CTNNA3: variants seen among roughly 807,000 people sequenced by gnomAD.
The protein encoded by CTNNA3 is catenin alpha-3.
CTNNA3 carries 76 observed loss-of-function variants against 95.7 expected under a neutral mutation model. The observed-to-expected ratio is 0.79, with a 90% CI of 0.66 to 0.96. CTNNA3 has a LOEUF of 0.96. CTNNA3 is among the 40% of genes least tolerant of loss of function. The pLI, the probability that CTNNA3 is intolerant of heterozygous loss-of-function variation, is 0.00. For synonymous variants in CTNNA3, 431 were observed against 374.4 expected (o/e 1.15, Z -1.74); for missense variants, 1,191 against 1,089.8 (o/e 1.09, Z -1.31).
intron 11 of CTNNA3, among the ~76,000 whole-genome samples, chr10:66,427,768 G>A (rs1054387222): frequency 6.6e-6 from 1 of 151,916 alleles, no homozygotes; most frequent in Non-Finnish European, 1.5e-5. Flanking sequence ...AATATGGAAA[G>A]GAACAACCGG....
Position 67,259,799 on chromosome 10 carries a change from T to C in CTNNA3, c.580-39929A>G, listed in dbSNP as rs187521472. Among the ~76,000 whole-genome samples, 33 of 152,296 alleles carry C rather than the reference T, an allele frequency of 2.2e-4. 1 individual carries two copies. The highest frequency in any genetic ancestry group is 9.8e-4 in the Admixed American group (15 of 15,288). ...TTGCTCTCTGATTCTGCCTCTTTTC[T>C]ACTATTAGTCAAATGAAGTAGCTTC... On this transcript the variant is annotated intron_variant, in intron 5 of 17. Coordinates refer to ENST00000433211, the MANE Select transcript of CTNNA3 (RefSeq NM_013266.4).
At chr10:66,580,329 G>A (rs994487679) in intron 10 of CTNNA3, among the ~76,000 whole-genome samples, 8 of 151,502 alleles carry the variant, frequency 5.3e-5, no homozygotes, top group African/African-American at 1.7e-4. Flanking sequence ...TGGGGTACAT[G>A]TGCTATCTTG....
At chr10:67,233,116 A>T (rs1170146666) in intron 5 of CTNNA3, among the ~76,000 whole-genome samples, 1 of 152,246 alleles carries the variant, frequency 6.6e-6, no homozygotes, top group Non-Finnish European at 1.5e-5. Flanking sequence ...ACAGAAAGTC[A>T]ACAAAGATAT....
intron 7 of CTNNA3, among the ~76,000 whole-genome samples, chr10:66,803,462 C>G (rs1282120966): frequency 6.6e-6 from 1 of 152,018 alleles, no homozygotes; most frequent in Non-Finnish European, 1.5e-5. Context: ...CTGTTCAATT[C>G]TGCACTGCAT....
At chr10:66,101,329 A>G (rs1171587010) in intron 14 of CTNNA3, among the ~76,000 whole-genome samples, 1 of 152,182 alleles carries the variant, frequency 6.6e-6, no homozygotes, top group Non-Finnish European at 1.5e-5. Context: ...GCATTTCCCA[A>G]TATATTACCA....
At chr10:66,055,844 C>T (rs1006789423) in intron 15 of CTNNA3, among the ~76,000 whole-genome samples, 7 of 147,024 alleles carry the variant, frequency 4.8e-5, no homozygotes, top group Non-Finnish European at 8.9e-5. Flanking sequence ...ATCGCTTGAA[C>T]CTGGGAGACA....
intron 7 of CTNNA3, among the ~76,000 whole-genome samples, chr10:66,888,570 GA>G (rs200675845): frequency 0.033 from 5,033 of 151,384 alleles, 115 homozygotes; most frequent in Middle Eastern, 0.051. Flanking sequence ...AAGCAATGGG[GA>G]AAAAATAACA....
intron 7 of CTNNA3, among the ~76,000 whole-genome samples, chr10:66,872,393 G>A (rs533825390): frequency 3.5e-4 from 53 of 152,204 alleles, no homozygotes; most frequent in African/African-American, 1.2e-3. Context: ...TTTTCGCTGG[G>A]TTCAGTGGCT....
chr10:67,687,608 C>A (rs2133580953), intron 1 of CTNNA3, among the ~76,000 whole-genome samples: 1 of 152,226 alleles, frequency 6.6e-6, no homozygotes, highest in South Asian at 2.1e-4. Context: ...TTAATAATGC[C>A]TCCAGATTTT....
At chr10:66,829,933 T>C (rs901260696) in intron 7 of CTNNA3, among the ~76,000 whole-genome samples, 1 of 151,824 alleles carries the variant, frequency 6.6e-6, no homozygotes, top group African/African-American at 2.4e-5. Flanking sequence ...TGGTGCGATC[T>C]CGGCTCCCTG....
chr10:67,111,449 T>A (rs1045405055), intron 7 of CTNNA3, among the ~76,000 whole-genome samples: 1 of 152,072 alleles, frequency 6.6e-6, no homozygotes, highest in Non-Finnish European at 1.5e-5. Context: ...GCATTTTTCA[T>A]AAAAACAGCT....
chr10:67,037,423 G>T (rs573667128), intron 7 of CTNNA3, among the ~76,000 whole-genome samples: 1 of 151,298 alleles, frequency 6.6e-6, no homozygotes, highest in Admixed American at 6.6e-5. Context: ...TCAAAGAAAT[G>T]TCTCTCAAGT....
chr10:67,326,974 T>C (rs1841563460), intron 5 of CTNNA3, among the ~76,000 whole-genome samples: 1 of 152,188 alleles, frequency 6.6e-6, no homozygotes, highest in African/African-American at 2.4e-5. Context: ...AGACAGCCAG[T>C]TTTCAAGCTC....
At chr10:67,366,645 G>GA (rs1007776419) in intron 5 of CTNNA3, among the ~76,000 whole-genome samples, 38 of 138,454 alleles carry the variant, frequency 2.7e-4, no homozygotes, top group East Asian at 1.0e-3. Flanking sequence ...TCGTCCAAAG[G>GA]AAAAAAAAAA....
intron 7 of CTNNA3, among the ~76,000 whole-genome samples, chr10:67,132,262 C>T (rs78128660): frequency 0.026 from 3,931 of 151,944 alleles, 165 homozygotes; most frequent in East Asian, 0.14. Flanking sequence ...AGGATTGATG[C>T]GACAAAATGG....
chr10:66,421,691 T>C (rs144642156), intron 11 of CTNNA3, among the ~76,000 whole-genome samples: 1,676 of 150,966 alleles, frequency 0.011, 37 homozygotes, highest in African/African-American at 0.038. Context: ...CAAAAATTAG[T>C]TGGGCTTGGT....
chr10:67,079,796 T>C (rs1856951109), intron 7 of CTNNA3, among the ~76,000 whole-genome samples: 1 of 150,812 alleles, frequency 6.6e-6, no homozygotes, highest in Admixed American at 6.6e-5. Flanking sequence ...TGCAGTGAGC[T>C]GAGATTGCAC....
chr10:66,459,623 G>T (rs2093515587), intron 11 of CTNNA3, among the ~76,000 whole-genome samples: 1 of 152,138 alleles, frequency 6.6e-6, no homozygotes, highest in African/African-American at 2.4e-5. Flanking sequence ...AGGTGATTTT[G>T]TCATTGTGCA....
At position 67,284,598 on chromosome 10, in the gene CTNNA3, T is replaced by G. The variant is rs528617049; in HGVS notation, c.580-64728A>C. On this transcript the variant is annotated intron_variant, in intron 5 of 17. Coordinates refer to ENST00000433211, the MANE Select transcript of CTNNA3 (RefSeq NM_013266.4). ...TTGGGAGAAATTTAATTGAACAAAG[T>G]CTAATTAAAAAGGTATTTGATCAGG... Among the ~76,000 whole-genome samples the G allele has an allele frequency of 5.3e-5, 8 of 152,264 alleles. No individual in the cohort carries two copies. The South Asian group carries it at 1.7e-3, about 32-fold the overall frequency.
Sources: allele counts gnomAD v4.1 joint callset (sites outside exome capture counted in the v4.1 genomes callset), GRCh38; gene constraint gnomAD v4.1.1; transcripts MANE v1.5; gene names NCBI Gene and HGNC (gene_info 2026-07-23, HGNC 2026-07-21).